Variants in ABCA13 observed in about 807,000 individuals in gnomAD.
ABCA13 encodes the protein ATP binding cassette subfamily A member 13.
A neutral mutation model predicts 478.7 loss-of-function variants in ABCA13; 476 were observed. The ratio of observed to expected loss-of-function variants is 0.99; its 90% CI spans 0.92 to 1.07. ABCA13 has a LOEUF of 1.07. Ranked by LOEUF, ABCA13 falls within the 50% of genes least tolerant of loss-of-function variation. ABCA13 has a pLI of 0.00. For missense variants in ABCA13, 6,060 were observed against 5,910.6 expected, an observed-to-expected ratio of 1.03 and a Z score of -0.83; for synonymous variants, 2,252 against 2,158.9, an observed-to-expected ratio of 1.04 and a Z score of -1.20.
At chr7:48,204,653 T>G (rs529904200) in intron 3 of ABCA13, among the ~76,000 whole-genome samples, 2 of 152,270 alleles carry the variant, frequency 1.3e-5, no homozygotes, top group Admixed American at 1.3e-4. Context: ...CTCCCCTTCC[T>G]CCGCACCTTC....
At chr7:48,464,565 C>T (rs1281591548) in intron 43 of ABCA13, among the ~76,000 whole-genome samples, 1 of 152,138 alleles carries the variant, frequency 6.6e-6, no homozygotes, top group Admixed American at 6.5e-5. Flanking sequence ...TCCTCCTCAG[C>T]AGAAATATAA....
intron 15 of ABCA13, among the ~76,000 whole-genome samples, chr7:48,268,616 G>A (rs150517575): frequency 2.0e-5 from 3 of 152,274 alleles, no homozygotes; most frequent in Non-Finnish European, 2.9e-5. Flanking sequence ...GTTTCTAGCT[G>A]TCTTTCAGAG....
intron 48 of ABCA13, among the ~76,000 whole-genome samples, chr7:48,498,223 G>C (rs563964044): frequency 6.6e-6 from 1 of 152,300 alleles, no homozygotes; most frequent in South Asian, 2.1e-4. Flanking sequence ...GGACAGTTTT[G>C]CTGGTGGTGT....
chr7:48,282,172 C>T (rs1322366718), intron 19 of ABCA13, among the ~76,000 whole-genome samples: 1 of 152,240 alleles, frequency 6.6e-6, no homozygotes, highest in Admixed American at 6.5e-5. Context: ...CAAATCCATT[C>T]CTGCACATTT....
chr7:48,191,208 C>G (rs955602876), intron 1 of ABCA13, among the ~76,000 whole-genome samples: 1 of 152,194 alleles, frequency 6.6e-6, no homozygotes, highest in African/African-American at 2.4e-5. Flanking sequence ...AAGTAGTTAT[C>G]TCCTGAGCGT....
chr7:48,239,988 T>G (rs1790564672), intron 9 of ABCA13, among the ~76,000 whole-genome samples: 1 of 152,216 alleles, frequency 6.6e-6, no homozygotes, highest in Admixed American at 6.5e-5. Context: ...AGCTTTGCGC[T>G]TCTTGGGGAG....
intron 57 of ABCA13, among the ~76,000 whole-genome samples, chr7:48,591,923 C>T (rs373306744): frequency 2.0e-5 from 3 of 151,884 alleles, no homozygotes; most frequent in Non-Finnish European, 4.4e-5. Context: ...GATGATTTTA[C>T]TTCTTTTTTG....
rs1029248627 is a variant in ABCA13, at chr7:48,633,406, A to G, written c.14838-9882A>G. 5.3e-5 allele frequency among the ~76,000 whole-genome samples: 8 copies of G among 152,112 alleles called. No individual in the cohort carries two copies. In the South Asian group the frequency reaches 1.0e-3, roughly 20 times the overall value. On this transcript the variant is annotated intron_variant, in intron 59 of 61. Transcript: ENST00000435803. ...CAAAGAAATTCTAGACTTAACTTTG[A>G]CACTTGACAAATTGGACCTAATAGG... is the stretch of plus-strand genomic sequence containing the variant.
In ABCA13 at chr7:48,236,900, A is replaced by G. The variant is rs142138399; in HGVS notation, c.898-2341A>G. Among the ~76,000 whole-genome samples the G allele has an allele frequency of 2.4e-3, 369 of 152,010 alleles. 3 individuals carry two copies. The highest frequency in any genetic ancestry group is 4.2e-3 in the Non-Finnish European group (284 of 67,978). ...CCCACTGCACAGACAAAACCAATTC[A>G]TTGAGACTGCAGTATTGCAGTAGAG... On this transcript the variant is annotated intron_variant, in intron 8 of 61. Coordinates refer to ENST00000435803, the MANE Select transcript of ABCA13 (RefSeq NM_152701.5).
chr7:48,387,083 T>A (rs1453360676), intron 35 of ABCA13, among the ~76,000 whole-genome samples: 1 of 152,088 alleles, frequency 6.6e-6, no homozygotes, highest in Non-Finnish European at 1.5e-5. Context: ...AGGGCTTGCA[T>A]ATCTCTCTTC....
At chr7:48,323,939 T>G (rs1803912319) in intron 27 of ABCA13, among the ~76,000 whole-genome samples, 1 of 152,230 alleles carries the variant, frequency 6.6e-6, no homozygotes, top group Admixed American at 6.5e-5. Flanking sequence ...TCTGCTGCCA[T>G]GTAAGACATG....
rs758161119 is a variant in ABCA13, at chr7:48,403,727, C to G, written c.11918C>G (p.Thr3973Ser). 1.9e-6 allele frequency: 3 copies of G among 1,613,880 alleles called. No individual in the cohort carries two copies. Among genetic ancestry groups the G allele is most frequent in the African/African-American group, 2.7e-5 (2 of 74,940 alleles). The change falls in exon 39 of 62, where the codon ACC (threonine) becomes AGC (serine). Residue 3973 changes from threonine (T) to serine (S), a missense_variant. Physicochemically the swap from Thr to Ser is moderately conservative, Grantham distance 58. Around this residue, in one of 3 missense-constraint regions of ABCA13, gnomAD observed 1,627 missense variants for 1,571.0 expected, o/e 1.04. Transcript: ENST00000435803. ...TTAACTCAGCATCAGCACAAACAGA[C>G]CCGAGCTCTGTCTGGAGGCCTGAAG... ...VDLTQHQHKQ[T>S]RALSGGLKRK...
intron 34 of ABCA13, 133 bp downstream of exon 34, chr7:48,374,549 C>A: frequency 1.2e-6 from 1 of 814,192 alleles, no homozygotes; most frequent in South Asian, 1.8e-5. Flanking sequence ...TGGATATTTG[C>A]TTTCACTGTT....
At chr7:48,549,428 G>A (rs1383822493) in intron 55 of ABCA13, among the ~76,000 whole-genome samples, 1 of 151,826 alleles carries the variant, frequency 6.6e-6, no homozygotes, top group African/African-American at 2.4e-5. Flanking sequence ...GTATTCCATG[G>A]AGTACATGTA....
rs112382936 is a variant in ABCA13 at position 48,456,104 on chromosome 7, T to C, written c.12815+818T>C. On this transcript the variant is annotated intron_variant, in intron 43 of 61. Transcript: ENST00000435803. ...TGGCTACAATTTTTCACATTTGGGA[T>C]GGGGAGACAAATGACTGGAACTCAG... Among the ~76,000 whole-genome samples the C allele has an allele frequency of 8.6e-3, 1,310 of 152,322 alleles. 26 individuals carry two copies. Among genetic ancestry groups the C allele is most frequent in the African/African-American group, 0.03 (1,250 of 41,574 alleles).
At chr7:48,338,320 G>A (rs373644299) in intron 28 of ABCA13, 45 bp from the exon 29 acceptor site, 51 of 1,347,694 alleles carry the variant, frequency 3.8e-5, no homozygotes, top group African/African-American at 3.1e-4. Flanking sequence ...TCAATAATAC[G>A]AAATAATGCA....
chr7:48,435,422 T>C (rs1278682675), intron 42 of ABCA13, among the ~76,000 whole-genome samples: 1 of 151,826 alleles, frequency 6.6e-6, no homozygotes, highest in Non-Finnish European at 1.5e-5. Context: ...TGTATGTGTA[T>C]TTTTTAGAGT....
At chr7:48,315,652 G>A (rs1802482225) in intron 26 of ABCA13, among the ~76,000 whole-genome samples, 1 of 151,898 alleles carries the variant, frequency 6.6e-6, no homozygotes. Flanking sequence ...CTATTTTTTT[G>A]TATTTTTAGT....
intron 48 of ABCA13, among the ~76,000 whole-genome samples, chr7:48,493,494 G>A (rs1830016746): frequency 1.3e-5 from 2 of 152,164 alleles, no homozygotes. Context: ...AGATAGGAAG[G>A]TATCTTCCTC....
Sources: allele counts gnomAD v4.1 joint callset (sites outside exome capture counted in the v4.1 genomes callset), GRCh38; gene constraint gnomAD v4.1.1; regional missense constraint gnomAD v4.1.1; transcripts MANE v1.5; gene names NCBI Gene and HGNC (gene_info 2026-07-23, HGNC 2026-07-21).